The following CDKN2B-AS1 variants were observed in gnomAD, a reference collection of about 807,000 sequenced individuals.
CDKN2B-AS1 encodes CDKN2B and CDKN2A antisense cis and trans regulatory RNA 1.
At chr9:22,125,869 T>C (rs1818010878) in intron 4 of CDKN2B-AS1, among the ~76,000 whole-genome samples, 1 of 152,140 alleles carries the variant, frequency 6.6e-6, no homozygotes, top group South Asian at 2.1e-4. Context: ...AATAAAATAG[T>C]TGATATAAGC....
intron 4 of CDKN2B-AS1, among the ~76,000 whole-genome samples, chr9:22,068,569 G>T (rs568930434): frequency 6.6e-5 from 10 of 152,150 alleles, no homozygotes; most frequent in Non-Finnish European, 1.2e-4. Flanking sequence ...TAGCAGAAGT[G>T]TAAGGGTGTT....
chr9:22,009,074 C>T (rs1821353692), intron 1 of CDKN2B-AS1: 1 of 1,465,612 alleles, frequency 6.8e-7, no homozygotes, highest in South Asian at 1.2e-5. Context: ...GAGACCTGGG[C>T]TCAGCTTCAT....
chr9:22,013,277 T>G (rs1388496829), intron 1 of CDKN2B-AS1, among the ~76,000 whole-genome samples: 1 of 152,198 alleles, frequency 6.6e-6, no homozygotes, highest in Admixed American at 6.5e-5. Flanking sequence ...ATATAAAAAT[T>G]TAGAGGTGAC....
At chr9:22,107,784 G>T (rs1337735632) in intron 4 of CDKN2B-AS1, among the ~76,000 whole-genome samples, 4 of 152,218 alleles carry the variant, frequency 2.6e-5, no homozygotes, top group Admixed American at 1.3e-4. Flanking sequence ...CAGCCAGGGG[G>T]AATCTCCATA....
At chr9:22,101,142 T>G (rs181435371) in intron 4 of CDKN2B-AS1, among the ~76,000 whole-genome samples, 1 of 152,210 alleles carries the variant, frequency 6.6e-6, no homozygotes, top group Non-Finnish European at 1.5e-5. Flanking sequence ...AGAGACACCC[T>G]TCAACAGACT....
At chr9:22,054,504 A>G (rs1823476041) in intron 3 of CDKN2B-AS1, among the ~76,000 whole-genome samples, 1 of 152,014 alleles carries the variant, frequency 6.6e-6, no homozygotes, top group Admixed American at 6.6e-5. Flanking sequence ...TTTTCATAGT[A>G]TTTCAGTCAT....
At chr9:22,034,085 A>C (rs1486922157) in intron 1 of CDKN2B-AS1, among the ~76,000 whole-genome samples, 1 of 152,220 alleles carries the variant, frequency 6.6e-6, no homozygotes, top group Non-Finnish European at 1.5e-5. Context: ...TGGTGAATAG[A>C]TACAGATACA....
chr9:22,058,396 G>C (rs936883012), intron 4 of CDKN2B-AS1: 1 of 152,154 alleles, frequency 6.6e-6, no homozygotes, highest in Non-Finnish European at 1.5e-5. Flanking sequence ...TCCAAAGCAT[G>C]AAGGACACAC....
intron 4 of CDKN2B-AS1, chr9:22,064,043 T>C (rs1295098205): frequency 1.3e-5 from 2 of 152,086 alleles, no homozygotes; most frequent in East Asian, 3.8e-4. Flanking sequence ...TCCCTGGAAG[T>C]GGCAGGGGGT....
intron 4 of CDKN2B-AS1, among the ~76,000 whole-genome samples, chr9:22,091,730 G>T (rs188870690): frequency 1.2e-4 from 18 of 152,228 alleles, no homozygotes; most frequent in African/African-American, 4.1e-4. Context: ...TGGCTGAGAC[G>T]ATGGGGTTTT....
intron 1 of CDKN2B-AS1, among the ~76,000 whole-genome samples, chr9:22,037,867 G>GA (rs1005512733): frequency 1.3e-5 from 2 of 151,756 alleles, no homozygotes; most frequent in Non-Finnish European, 2.9e-5. Flanking sequence ...AGTGAATCTG[G>GA]AAAAAAATAT....
chr9:22,083,398 A>G (rs766413987), intron 4 of CDKN2B-AS1, among the ~76,000 whole-genome samples: 1 of 152,250 alleles, frequency 6.6e-6, no homozygotes, highest in Non-Finnish European at 1.5e-5. Context: ...GGTCAGAGGT[A>G]AGAATGCTAC....
chr9:22,095,892 G>A (rs1825258029), intron 4 of CDKN2B-AS1, among the ~76,000 whole-genome samples: 2 of 151,324 alleles, frequency 1.3e-5, no homozygotes, highest in African/African-American at 4.9e-5. Context: ...TGTTTTATCA[G>A]AGACTAGGAT....
chr9:22,005,620 A>G lies in CDKN2B-AS1; in HGVS notation n.29+10459A>G. 4.5e-6 allele frequency: 2 copies of G among 445,474 alleles called. No homozygotes were observed. Among genetic ancestry groups the G allele is most frequent in the Non-Finnish European group, 8.4e-6 (2 of 239,418 alleles). The allele number at this position is 445,474 out of a possible 1,614,324, so 27.6% of individuals were successfully genotyped here. ...ACTGCCTTCTCCCACTCAGCGCTGGAGTGGGAGATTCATCCATCGGAAGAT... is the reference window on the plus strand; with the variant it reads ...ACTGCCTTCTCCCACTCAGCGCTGGGGTGGGAGATTCATCCATCGGAAGAT... On this transcript the variant is annotated intron_variant and non_coding_transcript_variant, in intron 1 of 4. Coordinates refer to ENST00000650946, the Ensembl canonical transcript of CDKN2B-AS1. This position sits in a 1 kb window ranked among gnomAD's most constrained non-coding sequence, Gnocchi z 4.9.
At chr9:22,035,027 A>C (rs1043323500) in intron 1 of CDKN2B-AS1, among the ~76,000 whole-genome samples, 9 of 152,330 alleles carry the variant, frequency 5.9e-5, no homozygotes, top group South Asian at 2.1e-4. Flanking sequence ...AACCTGCTTC[A>C]CAAGACTACT....
chr9:22,082,444 C>G (rs554838761), intron 4 of CDKN2B-AS1, among the ~76,000 whole-genome samples: 145 of 152,308 alleles, frequency 9.5e-4, no homozygotes, highest in Non-Finnish European at 1.6e-3. Flanking sequence ...CATTAGGTAA[C>G]TTGCTCAAGA....
chr9:22,064,318 G>A (rs1823947025), intron 4 of CDKN2B-AS1, among the ~76,000 whole-genome samples: 1 of 152,148 alleles, frequency 6.6e-6, no homozygotes, highest in Admixed American at 6.5e-5. Flanking sequence ...GCATTAAGGA[G>A]CCAATAAATT....
rs58026190 is a variant in CDKN2B-AS1 at position 22,045,038 on chromosome 9, T to TGTG, written n.30-1713_30-1712insGTG. 6.9e-3 allele frequency among the ~76,000 whole-genome samples: 984 copies of TGTG among 141,928 alleles called. 20 individuals are homozygous for TGTG. The highest frequency in any genetic ancestry group is 0.025 in the African/African-American group (920 of 36,550). 93.1% of individuals were successfully genotyped at this position (141,928 alleles called of 152,430 possible). On this transcript the variant is annotated intron_variant and non_coding_transcript_variant, in intron 1 of 4. Coordinates refer to ENST00000650946, the Ensembl canonical transcript of CDKN2B-AS1. ...TTTCTTTTGGAAAAATATTATTTAT[T>TGTG]TGTGTGTGTGTGTGTGTGTGTGTGT... is the stretch of plus-strand genomic sequence containing the variant.
At chr9:22,069,434 C>T (rs1036451107) in intron 4 of CDKN2B-AS1, among the ~76,000 whole-genome samples, 1 of 152,036 alleles carries the variant, frequency 6.6e-6, no homozygotes, top group African/African-American at 2.4e-5. Flanking sequence ...TTTCATTATT[C>T]CCGTGAAAAA....
Sources: gnomAD v4.1 joint callset for allele counts (sites outside exome capture counted in the v4.1 genomes callset) on GRCh38, gnomAD v4.1.1 for gene constraint, Gnocchi (gnomAD v3.1) non-coding constraint, MANE v1.5 for transcripts, NCBI Gene and HGNC (gene_info 2026-07-23, HGNC 2026-07-21) for gene names.